ELAVL2: variants seen among roughly 807,000 people sequenced by gnomAD.
ELAVL2 encodes ELAV like RNA binding protein 2.
ELAVL2 carries 4 observed loss-of-function variants against 34.6 expected under a neutral mutation model. The observed-to-expected ratio is 0.12, with a 90% confidence interval of 0.06 to 0.26. The LOEUF is 0.26. ELAVL2 is among the 10% of genes least tolerant of loss of function. The pLI is 1.00. For missense variants in ELAVL2, 432 were observed against 442.8 expected (o/e 0.98, Z 0.22); for synonymous variants, 193 against 154.8 (o/e 1.25, Z -1.83).
intron 2 of ELAVL2, among the ~76,000 whole-genome samples, chr9:23,741,563 T>C (rs1265484498): frequency 2.0e-5 from 3 of 152,264 alleles, no homozygotes; most frequent in Non-Finnish European, 4.4e-5. Flanking sequence ...TCCATGCTTA[T>C]CTACTTAGGC....
rs1267499366 is a variant in ELAVL2 at position 23,691,413 on chromosome 9, A to G, written c.*1144T>C. On this transcript the variant is annotated 3_prime_UTR_variant, in exon 7 of 7. Coordinates refer to ENST00000397312, the MANE Select transcript of ELAVL2 (RefSeq NM_004432.5). ...TTTGCTGCAGTACAAATCATGTGCA[A>G]CGTCTTTTTTCCTTAAGACAAAACA... is the stretch of plus-strand genomic sequence containing the variant. 6.6e-6 allele frequency: 1 copy of G among 152,550 alleles called. No individual in the cohort carries two copies. The highest frequency in any genetic ancestry group is 1.5e-5 in the Non-Finnish European group (1 of 67,988). The allele number at this position is 152,550 out of a possible 1,614,324, so 9.4% of individuals were successfully genotyped here.
At chr9:23,774,213 C>CAAAAAAAAA (rs57247631) in intron 1 of ELAVL2, among the ~76,000 whole-genome samples, 8 of 61,450 alleles carry the variant, frequency 1.3e-4, no homozygotes, top group Admixed American at 2.2e-4. Flanking sequence ...GACTCCATCT[C>CAAAAAAAAA]AAAAAAAAAA....
intron 1 of ELAVL2, among the ~76,000 whole-genome samples, chr9:23,794,500 A>G (rs2137354754): frequency 6.6e-6 from 1 of 152,282 alleles, no homozygotes; most frequent in South Asian, 2.1e-4. Context: ...GAAAATATAT[A>G]CCCTAATCCA....
intron 1 of ELAVL2, among the ~76,000 whole-genome samples, chr9:23,797,744 A>G (rs961333559): frequency 3.3e-5 from 5 of 152,162 alleles, no homozygotes; most frequent in African/African-American, 1.2e-4. Context: ...TCTGACCAAC[A>G]TGGAGAAAAC....
At chr9:23,711,364 T>C (rs1486263916) in intron 3 of ELAVL2, among the ~76,000 whole-genome samples, 1 of 152,204 alleles carries the variant, frequency 6.6e-6, no homozygotes, top group Non-Finnish European at 1.5e-5. Context: ...AGTTCAGAGA[T>C]ACCACGGAAT....
At chr9:23,737,481 A>T (rs1271037841) in intron 2 of ELAVL2, among the ~76,000 whole-genome samples, 2 of 152,264 alleles carry the variant, frequency 1.3e-5, no homozygotes, top group Non-Finnish European at 2.9e-5. Context: ...TGTCATCTAG[A>T]GTAATTTGAT....
intron 1 of ELAVL2, among the ~76,000 whole-genome samples, chr9:23,800,500 C>CT (rs2061453337): frequency 6.6e-6 from 1 of 152,158 alleles, no homozygotes; most frequent in African/African-American, 2.4e-5. Flanking sequence ...GCCTAGCCCC[C>CT]TTCCCTCTTA....
At chr9:23,812,583 A>C (rs929897172) in intron 1 of ELAVL2, among the ~76,000 whole-genome samples, 2 of 152,134 alleles carry the variant, frequency 1.3e-5, no homozygotes, top group African/African-American at 4.8e-5. Flanking sequence ...CGTTCACCTA[A>C]AAGAATCATA....
intron 3 of ELAVL2, among the ~76,000 whole-genome samples, chr9:23,714,885 T>C (rs1209905021): frequency 6.6e-6 from 1 of 152,176 alleles, no homozygotes; most frequent in Non-Finnish European, 1.5e-5. Context: ...TTAAATATAC[T>C]ATGAATACAT....
chr9:23,756,059 C>A (rs1184210234), intron 2 of ELAVL2, among the ~76,000 whole-genome samples: 2 of 152,082 alleles, frequency 1.3e-5, no homozygotes, highest in East Asian at 3.9e-4. Flanking sequence ...CTGTTTCAAT[C>A]CTGAGGAGCT....
chr9:23,769,200 AAC>A, intron 1 of ELAVL2, among the ~76,000 whole-genome samples: 1 of 151,610 alleles, frequency 6.6e-6, no homozygotes, highest in Middle Eastern at 3.4e-3. Context: ...AAACATACAA[AAC>A]ACAAACAAAC....
chr9:23,848,323 A>G, the ELAVL2 span, among the ~76,000 whole-genome samples: 4 of 152,338 alleles, frequency 2.6e-5, no homozygotes, highest in East Asian at 7.7e-4. Flanking sequence ...TGCTAATACA[A>G]AGACATAAAA....
At chr9:23,759,754 T>TTATTTATATATATATATA (rs1554719966) in intron 2 of ELAVL2, among the ~76,000 whole-genome samples, 1 of 81,344 alleles carries the variant, frequency 1.2e-5, no homozygotes, top group Non-Finnish European at 2.5e-5. Flanking sequence ...ATATATAGTA[T>TTATTTATATATATATATA]TATATATATA....
At chr9:23,839,398 G>A in the ELAVL2 span, among the ~76,000 whole-genome samples, 19 of 152,170 alleles carry the variant, frequency 1.2e-4, no homozygotes, top group East Asian at 7.7e-4. Context: ...ACATGACTGC[G>A]GCAATCAATT....
chr9:23,731,861 G>C (rs1411819234), intron 2 of ELAVL2, among the ~76,000 whole-genome samples: 1 of 152,124 alleles, frequency 6.6e-6, no homozygotes. Flanking sequence ...TTGCTTCTAA[G>C]TGTTTGTTGT....
In ELAVL2 at chr9:23,701,500, T is replaced by C. The variant is rs1031432624; in HGVS notation, c.592A>G (p.Ile198Val). Residue 198 changes from isoleucine to valine, a missense_variant, in exon 5 of 7, where the codon ATC becomes GTC. Coordinates refer to ENST00000397312, the MANE Select transcript of ELAVL2 (RefSeq NM_004432.5). ...GQKPPGATEPITVKFANNPSQ... is the reference protein window; with the variant it reads ...GQKPPGATEPVTVKFANNPSQ... ...GGGTTATTAGCAAACTTTACAGTGA[T>C]TGGCTCCGTGGCACCGGGAGGTTTC... is the stretch of plus-strand genomic sequence containing the variant. The C allele has an allele frequency of 5.6e-6, 9 of 1,613,988 alleles. No individual in the cohort carries two copies. Among genetic ancestry groups the C allele is most frequent in the Admixed American group, 3.3e-5 (2 of 59,996 alleles).
At chr9:23,834,871 C>T in the ELAVL2 span, among the ~76,000 whole-genome samples, 1 of 151,958 alleles carries the variant, frequency 6.6e-6, no homozygotes, top group Admixed American at 6.6e-5. Flanking sequence ...TCTGAGATCC[C>T]ATTTGACTGA....
At position 23,701,407 on chromosome 9, in the gene ELAVL2, G is replaced by A. The variant is rs752023416; in HGVS notation, c.685C>T (p.Pro229Ser). ...AAACGCTGTGCCTGCTGAGCTAGCG[G>A]TCCTGGATACCTTCTGTTTGGAGAC... Reference protein sequence around the residue: ...YQSPNRRYPGPLAQQAQRFRL... With the variant: ...YQSPNRRYPGSLAQQAQRFRL... The change falls in exon 5 of 7, where the codon CCG becomes TCG. Residue 229 changes from proline to serine, a missense_variant. Pro to Ser is a moderately conservative substitution (Grantham distance 74). Around this residue, in one of 3 missense-constraint regions of ELAVL2, gnomAD observed 295 missense variants for 306.1 expected, o/e 0.96. Transcript: ENST00000397312. 8 of 1,614,114 alleles carry A rather than the reference G, an allele frequency of 5.0e-6. No individual in the cohort carries two copies. In the East Asian group the frequency reaches 1.8e-4, roughly 36 times the overall value.
chr9:23,758,667 C>A (rs1301997447), intron 2 of ELAVL2, among the ~76,000 whole-genome samples: 2 of 152,074 alleles, frequency 1.3e-5, no homozygotes, highest in African/African-American at 4.8e-5. Context: ...TTTATAGCAC[C>A]ATGTTCAGTG....
Sources: allele counts gnomAD v4.1 joint callset (sites outside exome capture counted in the v4.1 genomes callset), GRCh38; gene constraint gnomAD v4.1.1; regional missense constraint gnomAD v4.1.1; transcripts MANE v1.5; gene names NCBI Gene and HGNC (gene_info 2026-07-23, HGNC 2026-07-21).